The following MXRA8 variants were observed in gnomAD, a reference collection of about 807,000 sequenced individuals.
MXRA8 encodes matrix remodeling associated 8, also known as matrix remodeling-associated protein 8.
MXRA8 carries 44 observed loss-of-function variants against 51.4 expected under a neutral mutation model. The ratio of observed to expected loss-of-function variants is 0.86; its 90% CI spans 0.67 to 1.10. MXRA8 has a LOEUF of 1.10. MXRA8 is among the 50% of genes least tolerant of loss of function. MXRA8 has a pLI of 0.00. For missense variants in MXRA8, 765 were observed against 638.9 expected, an observed-to-expected ratio of 1.20 and a Z score of -2.13; for synonymous variants, 369 against 293.5, an observed-to-expected ratio of 1.26 and a Z score of -2.63.
Position 1,353,821 on chromosome 1 carries a change from T to G in MXRA8, c.1303+27A>C, listed in dbSNP as rs199753118. 2.6e-6 allele frequency: 4 copies of G among 1,550,068 alleles called. No individual in the cohort carries two copies. The East Asian group carries it at 9.1e-5, about 35-fold the overall frequency. Reference sequence around the variant, plus strand: ...AATGGGGACAGGCAGGGCTCTGAGATGGGCTGAGGTCGCCCCCGCCGCTCA... The same window carrying G: ...AATGGGGACAGGCAGGGCTCTGAGAGGGGCTGAGGTCGCCCCCGCCGCTCA... On this transcript the variant is annotated intron_variant, in intron 9 of 9. Coordinates refer to ENST00000309212, the MANE Select transcript of MXRA8 (RefSeq NM_032348.4).
At chr1:1,353,983 G>T (rs779671827) in intron 8 of MXRA8, 47 bp downstream of exon 8, 1 of 1,492,668 alleles carries the variant, frequency 6.7e-7, no homozygotes, top group East Asian at 2.4e-5. Context: ...TTCCCAGCCC[G>T]GGACTGGGAG....
upstream of MXRA8, among the ~76,000 whole-genome samples, chr1:1,360,602 C>T (rs145327736): frequency 0.014 from 2,171 of 152,298 alleles, 49 homozygotes; most frequent in African/African-American, 0.049. Flanking sequence ...AAGCCACTGG[C>T]ATCACTGTGC....
At chr1:1,357,683 G>A (rs186663534) in intron 1 of MXRA8, among the ~76,000 whole-genome samples, 4 of 152,162 alleles carry the variant, frequency 2.6e-5, no homozygotes, top group African/African-American at 7.2e-5. Flanking sequence ...GGTAGTGGGC[G>A]CCTATAGTCC....
Position 1,353,863 on chromosome 1 carries a change from T to C in MXRA8, c.1288A>G (p.Ile430Val). ...CGCCGCTCACCTTTGTCTAGGTCGA[T>C]GTACTTGGCAGGCAGGGGGCTGTGG... is the stretch of plus-strand genomic sequence containing the variant. The part of the protein sequence containing the change: ...LAHSPLPAKY[I>V]DLDKGFRKEN... Residue 430 changes from isoleucine (I) to valine (V), a missense_variant, in exon 9 of 10, where the codon ATC (isoleucine) becomes GTC (valine). Transcript: ENST00000309212. 1.2e-6 allele frequency: 2 copies of C among 1,601,962 alleles called. No individual in the cohort carries two copies. The highest frequency in any genetic ancestry group is 1.7e-6 in the Non-Finnish European group (2 of 1,174,162).
chr1:1,359,899 T>C (rs1281209217), upstream of MXRA8, among the ~76,000 whole-genome samples: 1 of 152,104 alleles, frequency 6.6e-6, no homozygotes, highest in African/African-American at 2.4e-5. Context: ...CCTCTCCTCC[T>C]GTTTTTCCAA....
At position 1,356,695 on chromosome 1, in the gene MXRA8, ACAG is replaced by A; in HGVS notation, c.56_58del (p.Ala19del). Reference sequence around the variant, plus strand: ...GGGTCACTAACCTGAGTGCAGGAGAACAGCAGAGCCTGGAAGGAGAGGAGTGAG... The same window carrying A: ...GGGTCACTAACCTGAGTGCAGGAGAACAGAGCCTGGAAGGAGAGGAGTGAG... On this transcript the variant is annotated inframe_deletion, in exon 2 of 10. Transcript: ENST00000309212. 1.4e-6 allele frequency: 2 copies of A among 1,427,696 alleles called. No individual in the cohort carries two copies. Among genetic ancestry groups the A allele is most frequent in the Non-Finnish European group, 1.9e-6 (2 of 1,079,560 alleles). The allele number at this position is 1,427,696 out of a possible 1,614,324, so 88.4% of individuals were successfully genotyped here.
In MXRA8 at chr1:1,355,711, C is replaced by T. The variant is rs1644112023; in HGVS notation, c.115G>A (p.Glu39Lys). 11 of 1,325,840 alleles carry T rather than the reference C, an allele frequency of 8.3e-6. No individual in the cohort carries two copies. The highest frequency in any genetic ancestry group is 1.1e-5 in the Non-Finnish European group (11 of 1,043,850). 82.1% of individuals were successfully genotyped at this position (1,325,840 alleles called of 1,614,324 possible). The change falls in exon 3 of 10, where the codon GAG becomes AAG. Residue 39 changes from glutamate to lysine, a missense_variant. Coordinates refer to ENST00000309212, the MANE Select transcript of MXRA8 (RefSeq NM_032348.4). ...PAAAGSSVVS[E>K]SAVSWEAGAR... ...CCCGCCTCCCAGCTCACCGCGGACT[C>T]GGACACCACGGAGCTGCCAGCAGCG...
chr1:1,360,673 G>A (rs1282894642), upstream of MXRA8, among the ~76,000 whole-genome samples: 1 of 152,198 alleles, frequency 6.6e-6, no homozygotes, highest in African/African-American at 2.4e-5. Flanking sequence ...CACCTCTGGG[G>A]GTTGGGGTGG....
upstream of MXRA8, chr1:1,359,136 C>T (rs1357828950): frequency 2.0e-6 from 2 of 985,394 alleles, no homozygotes; most frequent in Non-Finnish European, 2.4e-6. Context: ...AGTCACTAGT[C>T]CCCTTTACAA....
Position 1,358,445 on chromosome 1 carries a change from C to T in MXRA8, c.49+11G>A. The T allele has an allele frequency of 6.2e-7, 1 of 1,611,456 alleles. No homozygotes were observed. The highest frequency in any genetic ancestry group is 8.5e-7 in the Non-Finnish European group (1 of 1,178,642). ...CCACCCCCCACCCGCCTCCCAGGGC[C>T]CCACACTCACTCTGCAGAAGCACAA... is the stretch of plus-strand genomic sequence containing the variant. On this transcript the variant is annotated intron_variant, in intron 1 of 9. Coordinates refer to ENST00000309212, the MANE Select transcript of MXRA8 (RefSeq NM_032348.4).
Position 1,357,419 on chromosome 1 carries a change from C to G in MXRA8, c.50-715G>C, listed in dbSNP as rs181531828. ...CCACCCCCTGTGTCCCCACAGACCC[C>G]ACGCCCCACATGGACTGTGCAGCTG... is the stretch of plus-strand genomic sequence containing the variant. On this transcript the variant is annotated intron_variant, in intron 1 of 9. Transcript: ENST00000309212. Among the ~76,000 whole-genome samples, 34 of 152,302 alleles carry G rather than the reference C, an allele frequency of 2.2e-4. 1 individual carries two copies. The highest frequency in any genetic ancestry group is 7.7e-4 in the African/African-American group (32 of 41,562).
At position 1,355,365 on chromosome 1, in the gene MXRA8, C is replaced by G; in HGVS notation, c.377-20G>C. The G allele has an allele frequency of 1.3e-6, 2 of 1,565,954 alleles. No individual in the cohort carries two copies. Among genetic ancestry groups the G allele is most frequent in the Non-Finnish European group, 1.7e-6 (2 of 1,160,986 alleles). On this transcript the variant is annotated intron_variant, in intron 3 of 9. Transcript: ENST00000309212. Reference sequence around the variant, plus strand: ...CCACCGCTGCGCACCCAGGAGGAAGCCGCGCGTGAGCCTTGCGGTGCCCCC... The same window carrying G: ...CCACCGCTGCGCACCCAGGAGGAAGGCGCGCGTGAGCCTTGCGGTGCCCCC...
intron 1 of MXRA8, among the ~76,000 whole-genome samples, chr1:1,357,158 C>T (rs931717007): frequency 6.6e-6 from 1 of 152,204 alleles, no homozygotes; most frequent in Non-Finnish European, 1.5e-5. Context: ...GGTGCTTCCG[C>T]AGGGCAGAGG....
At chr1:1,353,701 C>CG (rs1331488130) in intron 9 of MXRA8, 72 bp from the exon 10 acceptor site, 1 of 1,495,758 alleles carries the variant, frequency 6.7e-7, no homozygotes, top group Non-Finnish European at 9.1e-7. Context: ...ACAGGGCAGA[C>CG]CCCCCCGCAG....
chr1:1,361,236 A>G, upstream of MXRA8: 1 of 703,530 alleles, frequency 1.4e-6, no homozygotes, highest in Non-Finnish European at 2.6e-6. Flanking sequence ...ACACAGAGAC[A>G]CGGACCTGTG....
chr1:1,362,469 A>T (rs1018189493), upstream of MXRA8, among the ~76,000 whole-genome samples: 18 of 143,822 alleles, frequency 1.3e-4, no homozygotes, highest in Non-Finnish European at 2.3e-4. Flanking sequence ...CACCTTCTGT[A>T]ATTTTTTTTT....
Position 1,355,585 on chromosome 1 carries a change from C to T in MXRA8, c.241G>A (p.Gly81Arg), listed in dbSNP as rs775905507. 2 of 1,477,954 alleles carry T rather than the reference C, an allele frequency of 1.4e-6. No individual in the cohort carries two copies. The highest frequency in any genetic ancestry group is 2.4e-5 in the Admixed American group (1 of 42,550). 91.6% of individuals were successfully genotyped at this position (1,477,954 alleles called of 1,614,324 possible). Residue 81 changes from glycine to arginine, a missense_variant, in exon 3 of 10, where the codon GGG (glycine) becomes AGG (arginine). By Grantham distance (125) the Gly-to-Arg change is moderately radical. Transcript: ENST00000309212. ...RVLHWDLRGP[G>R]GGPARRLLDL... ...AGCAGGCGCCGCGCGGGGCCACCCC[C>T]GGGGCCGCGCAGGTCCCAGTGGAGC...
In MXRA8 at chr1:1,355,145, G is replaced by T; in HGVS notation, c.486C>A (p.Ala162=). Residue 162 remains alanine (A), a synonymous_variant, in exon 5 of 10, where the codon GCC becomes GCA. Transcript: ENST00000309212. The part of the protein sequence containing the change: ...VRLEVTDGPP[A]TPAYWDGEKE... ...TCTCGCCGTCCCAGTAGGCGGGGGT[G>T]GCCGGGGCTGCGGAGGGGGCGCGGT... is the stretch of plus-strand genomic sequence containing the variant. 2 of 1,419,536 alleles carry T rather than the reference G, an allele frequency of 1.4e-6. No homozygotes were observed. 87.9% of individuals were successfully genotyped at this position (1,419,536 alleles called of 1,614,324 possible). A position where few individuals can be genotyped will look rare whatever the true frequency, so the allele number is the denominator to read the frequency against.
At chr1:1,359,942 C>T (rs556221940), upstream of MXRA8, among the ~76,000 whole-genome samples, 43 of 152,362 alleles carry the variant, frequency 2.8e-4, no homozygotes, top group African/African-American at 1.0e-3. Context: ...GCTGCCCGCC[C>T]GCCCATGTCT....
Sources: allele counts gnomAD v4.1 joint callset (sites outside exome capture counted in the v4.1 genomes callset), GRCh38; gene constraint gnomAD v4.1.1; transcripts MANE v1.5; gene names NCBI Gene and HGNC (gene_info 2026-07-23, HGNC 2026-07-21).